The following MAPK6 variants were observed in gnomAD, a reference collection of about 807,000 sequenced individuals.
MAPK6 encodes the protein ERK-3.
Under a neutral mutation model 59.3 loss-of-function variants are expected in MAPK6, and 19 were observed. That is an observed-to-expected ratio of 0.32 (90% CI 0.22 to 0.47). The LOEUF is 0.47. Among genes scored for constraint, MAPK6 ranks in the 20% least tolerant of loss-of-function variants. MAPK6 has a pLI of 1.00. For synonymous variants in MAPK6, 316 were observed against 290.3 expected, an observed-to-expected ratio of 1.09 and a Z score of -0.90; for missense variants, 724 against 847.9, an observed-to-expected ratio of 0.85 and a Z score of 1.81.
At chr15:51,999,941 AC>A (rs1304646658) in intron 2 of MAPK6, among the ~76,000 whole-genome samples, 1 of 149,990 alleles carries the variant, frequency 6.7e-6, no homozygotes, top group Non-Finnish European at 1.5e-5. Flanking sequence ...ACCATGCCTG[AC>A]CTATATTTAT....
At position 51,994,046 on chromosome 15, in the gene MAPK6, C is replaced by T. The variant is rs182451318; in HGVS notation, c.-769-10219C>T. Among the ~76,000 whole-genome samples the T allele has an allele frequency of 3.0e-3, 453 of 152,210 alleles. 2 individuals are homozygous for T. Among genetic ancestry groups the T allele is most frequent in the Non-Finnish European group, 5.4e-3 (365 of 68,012 alleles). On this transcript the variant is annotated intron_variant, in intron 2 of 7. Transcript: ENST00000691380. ...CACGATCTTGGCTCACTGAAACCTC[C>T]ACCTCCTGGGTTCAAGCGATTCTCC...
At chr15:52,063,812 T>TA (rs2032301985) in intron 5 of MAPK6, 90 bp from the exon 6 acceptor site, 2 of 1,179,630 alleles carry the variant, frequency 1.7e-6, no homozygotes, top group South Asian at 3.4e-5. Context: ...CTCATAGACC[T>TA]AGCACAGTGC....
chr15:52,026,306 T>G (rs189725245), intron 1 of MAPK6, among the ~76,000 whole-genome samples: 7 of 152,292 alleles, frequency 4.6e-5, no homozygotes, highest in African/African-American at 1.7e-4. Context: ...TTGTCGTTGT[T>G]TTGAGACGGA....
At chr15:52,036,120 A>C (rs2031233746) in intron 1 of MAPK6, among the ~76,000 whole-genome samples, 1 of 152,026 alleles carries the variant, frequency 6.6e-6, no homozygotes, top group Admixed American at 6.6e-5. Context: ...CTGTACTCCT[A>C]ACTACTACCT....
intron 3 of MAPK6, among the ~76,000 whole-genome samples, chr15:52,057,730 T>G (rs1300040884): frequency 1.3e-5 from 2 of 152,258 alleles, no homozygotes; most frequent in East Asian, 3.9e-4. Context: ...TTGGTAGAGA[T>G]GGGGTTTTAC....
At chr15:52,034,287 C>T (rs778245540) in intron 1 of MAPK6, among the ~76,000 whole-genome samples, 1 of 151,658 alleles carries the variant, frequency 6.6e-6, no homozygotes, top group Non-Finnish European at 1.5e-5. Context: ...GCCCGGACTC[C>T]TGGTTGCTTT....
intron 1 of MAPK6, among the ~76,000 whole-genome samples, chr15:52,025,540 C>T (rs1375737627): frequency 2.0e-5 from 3 of 152,310 alleles, no homozygotes; most frequent in South Asian, 2.1e-4. Flanking sequence ...CCGTGGCTCA[C>T]GCCTGTAATG....
At chr15:52,022,679 C>T (rs997132411) in intron 1 of MAPK6, among the ~76,000 whole-genome samples, 1 of 151,656 alleles carries the variant, frequency 6.6e-6, no homozygotes, top group Non-Finnish European at 1.5e-5. Context: ...AAAAAAATTT[C>T]CTACTAGAGG....
chr15:52,006,680 G>A (rs1331852393), intron 3 of MAPK6, among the ~76,000 whole-genome samples: 1 of 152,162 alleles, frequency 6.6e-6, no homozygotes, highest in Non-Finnish European at 1.5e-5. Flanking sequence ...GTTGCCAGGG[G>A]CCAATCAACC....
In MAPK6 at chr15:52,065,040, T is replaced by A. The variant is rs766052988; in HGVS notation, c.*40T>A. On this transcript the variant is annotated 3_prime_UTR_variant, in exon 6 of 6. Transcript: ENST00000261845. ...ATTTATCTTTGTATTCTTCATGAAA[T>A]GTGTTTTGTCTTTTTTTATTACTAG... The A allele has an allele frequency of 2.5e-5, 38 of 1,520,436 alleles. No homozygotes were observed. The highest frequency in any genetic ancestry group is 2.9e-5 in the Non-Finnish European group (33 of 1,131,954). The allele number at this position is 1,520,436 out of a possible 1,614,324, so 94.2% of individuals were successfully genotyped here. A position where few individuals can be genotyped will look rare whatever the true frequency, so the allele number is the denominator to read the frequency against.
chr15:52,028,122 T>G (rs2030882746), intron 1 of MAPK6, among the ~76,000 whole-genome samples: 1 of 151,950 alleles, frequency 6.6e-6, no homozygotes, highest in Non-Finnish European at 1.5e-5. Flanking sequence ...CCGGCTAATT[T>G]TTTGTATTTT....
intron 2 of MAPK6, among the ~76,000 whole-genome samples, chr15:51,995,603 A>C (rs573819582): frequency 2.3e-4 from 35 of 152,310 alleles, no homozygotes; most frequent in Non-Finnish European, 4.0e-4. Flanking sequence ...TGCCTCCGCT[A>C]TAGTTGTTCC....
intron 1 of MAPK6, among the ~76,000 whole-genome samples, chr15:51,979,232 AAG>A (rs1353480077): frequency 8.6e-5 from 13 of 151,388 alleles, no homozygotes; most frequent in African/African-American, 2.2e-4. Flanking sequence ...AGAGAAAGAA[AAG>A]GAAGGAAGGA....
At chr15:52,015,575 T>G (rs1272237620), upstream of MAPK6, among the ~76,000 whole-genome samples, 2 of 148,786 alleles carry the variant, frequency 1.3e-5, no homozygotes, top group East Asian at 4.3e-4. Context: ...CCTCCCGGGT[T>G]CAAGCAATTC....
intron 1 of MAPK6, among the ~76,000 whole-genome samples, chr15:52,023,805 G>A (rs1415916828): frequency 1.3e-5 from 2 of 152,142 alleles, no homozygotes; most frequent in Non-Finnish European, 2.9e-5. Flanking sequence ...AGTACAGACA[G>A]GGTTTCATTA....
chr15:52,026,156 G>A (rs902385583), intron 1 of MAPK6, among the ~76,000 whole-genome samples: 3 of 152,160 alleles, frequency 2.0e-5, no homozygotes, highest in Non-Finnish European at 4.4e-5. Context: ...GAAAGCATTG[G>A]CAGGATAGTT....
chr15:52,054,729 T>TGC lies in MAPK6; in HGVS notation c.701-3904_701-3903insGC, dbSNP rs1555399915. On this transcript the variant is annotated intron_variant, in intron 3 of 5. Transcript: ENST00000261845. ...GGTAAAGTGTACATACATATATCTA[T>TGC]ACACACACACACACACACACATATA... Among the ~76,000 whole-genome samples, 16 of 147,034 alleles carry TGC rather than the reference T, an allele frequency of 1.1e-4. 1 individual carries two copies. Among genetic ancestry groups the TGC allele is most frequent in the Admixed American group, 1.0e-3 (15 of 14,792 alleles).
chr15:52,055,280 A>G (rs1362022968), intron 3 of MAPK6, among the ~76,000 whole-genome samples: 1 of 152,078 alleles, frequency 6.6e-6, no homozygotes, highest in Non-Finnish European at 1.5e-5. Flanking sequence ...GGTGGCACAC[A>G]CCTGTGGTCC....
chr15:51,991,185 ATATATG>A (rs1211297677), intron 2 of MAPK6, among the ~76,000 whole-genome samples: 1 of 151,884 alleles, frequency 6.6e-6, no homozygotes, highest in Non-Finnish European at 1.5e-5. Context: ...ACACACATAT[ATATATG>A]TATATGTATA....
Sources: allele counts gnomAD v4.1 joint callset (sites outside exome capture counted in the v4.1 genomes callset), GRCh38; gene constraint gnomAD v4.1.1; transcripts MANE v1.5; gene names NCBI Gene and HGNC (gene_info 2026-07-23, HGNC 2026-07-21).